Variants in GDA observed in about 807,000 individuals in gnomAD.
GDA encodes cytoplasmic PSD-95 interactor.
GDA carries 18 observed loss-of-function variants against 59.6 expected under a neutral mutation model. The observed-to-expected ratio is 0.30, with a 90% CI of 0.21 to 0.45. GDA has a LOEUF of 0.45. Among genes scored for constraint, GDA ranks in the 20% least tolerant of loss-of-function variants. The pLI, the probability that GDA is intolerant of heterozygous loss-of-function variation, is 1.00. For synonymous variants in GDA, 201 were observed against 201.1 expected (o/e 1.00, Z 0.00); for missense variants, 427 against 552.3 (o/e 0.77, Z 2.27).
At position 72,245,092 on chromosome 9, in the gene GDA, A is replaced by G. The variant is rs1165608386; in HGVS notation, c.1136-56A>G. ...AAAATCTGTCCTTACAAACTGAGACATTAGTGTGGTCTGATGGCTTGCAAT... is the reference window on the plus strand; with the variant it reads ...AAAATCTGTCCTTACAAACTGAGACGTTAGTGTGGTCTGATGGCTTGCAAT... On this transcript the variant is annotated intron_variant, in intron 11 of 13. Transcript: ENST00000358399. The G allele has an allele frequency of 3.8e-6, 6 of 1,569,942 alleles. No homozygotes were observed. The East Asian group carries it at 6.7e-5, about 18-fold the overall frequency.
At chr9:72,142,724 A>G (rs1203483167) in intron 1 of GDA, among the ~76,000 whole-genome samples, 1 of 152,028 alleles carries the variant, frequency 6.6e-6, no homozygotes, top group Non-Finnish European at 1.5e-5. Flanking sequence ...GATTGTATGT[A>G]TTGCTTATCC....
Position 72,131,634 on chromosome 9 carries a change from A to T in GDA, c.-100+16801A>T, listed in dbSNP as rs1335705466. On this transcript the variant is annotated intron_variant, in intron 1 of 13. Coordinates refer to the GDA transcript ENST00000545168. ...CTTCTCTTTATGGAGGGCTAGAAAC[A>T]CACCACGTGCACAGACACACACACA... is the stretch of plus-strand genomic sequence containing the variant. 2.2e-5 allele frequency among the ~76,000 whole-genome samples: 3 copies of T among 137,148 alleles called. No individual in the cohort carries two copies. The East Asian group carries it at 6.0e-4, about 28-fold the overall frequency. The allele number at this position is 137,148 out of a possible 152,430, so 90.0% of individuals were successfully genotyped here.
At chr9:72,153,571 G>A (rs1428412380) in intron 1 of GDA, among the ~76,000 whole-genome samples, 2 of 150,314 alleles carry the variant, frequency 1.3e-5, no homozygotes, top group Non-Finnish European at 3.0e-5. Flanking sequence ...CAAAGACTTG[G>A]AACCAACCCA....
At chr9:72,228,715 C>T (rs537343571) in intron 9 of GDA, 1 of 152,318 alleles carries the variant, frequency 6.6e-6, no homozygotes, top group African/African-American at 2.4e-5. Context: ...TGGTGAAACC[C>T]CATCAGTATT....
intron 1 of GDA, among the ~76,000 whole-genome samples, chr9:72,121,289 CTCTG>C (rs1267341225): frequency 1.3e-5 from 2 of 152,122 alleles, no homozygotes; most frequent in Admixed American, 6.6e-5. Context: ...TCAAACCAAA[CTCTG>C]TCTGAGCATA....
chr9:72,138,859 C>T (rs1405589836), intron 1 of GDA, among the ~76,000 whole-genome samples: 2 of 152,136 alleles, frequency 1.3e-5, no homozygotes, highest in Non-Finnish European at 1.5e-5. Flanking sequence ...TGGGGAAAGG[C>T]GAGAACTGGT....
intron 5 of GDA, among the ~76,000 whole-genome samples, chr9:72,217,819 A>G (rs1836329510): frequency 6.6e-6 from 1 of 152,224 alleles, no homozygotes; most frequent in South Asian, 2.1e-4. Flanking sequence ...TACTGACCAT[A>G]TAAATACTTT....
chr9:72,133,590 T>A (rs1396529576), intron 1 of GDA, among the ~76,000 whole-genome samples: 1 of 152,174 alleles, frequency 6.6e-6, no homozygotes, highest in Non-Finnish European at 1.5e-5. Flanking sequence ...TATTCCCTGA[T>A]CATTTGTTGC....
chr9:72,247,497 T>C, intron 13 of GDA, 64 bp downstream of exon 13: 1 of 839,876 alleles, frequency 1.2e-6, no homozygotes, highest in Non-Finnish European at 2.0e-6. Context: ...TTTTCTTGGG[T>C]ATGGCTCTAT....
intron 1 of GDA, among the ~76,000 whole-genome samples, chr9:72,166,379 C>T (rs1829312131): frequency 8.3e-6 from 1 of 120,180 alleles, no homozygotes; most frequent in South Asian, 2.6e-4. Flanking sequence ...AGATAGAAAG[C>T]AGAATGATAG....
intron 3 of GDA, among the ~76,000 whole-genome samples, chr9:72,206,252 T>C (rs1834685996): frequency 1.3e-5 from 2 of 152,208 alleles, no homozygotes; most frequent in Non-Finnish European, 2.9e-5. Context: ...AACACTTCTA[T>C]TCTTTTGCTG....
At chr9:72,224,186 GAGA>G (rs1837254345) in intron 7 of GDA, among the ~76,000 whole-genome samples, 1 of 152,138 alleles carries the variant, frequency 6.6e-6, no homozygotes, top group Non-Finnish European at 1.5e-5. Context: ...AAAATAAGAT[GAGA>G]AGAACACACA....
intron 1 of GDA, among the ~76,000 whole-genome samples, chr9:72,116,569 G>A (rs1222965852): frequency 6.6e-6 from 1 of 151,858 alleles, no homozygotes; most frequent in African/African-American, 2.4e-5. Flanking sequence ...TTTTAGTAGA[G>A]ACGGAGTTTC....
chr9:72,186,396 A>C (rs1200346496), intron 1 of GDA, among the ~76,000 whole-genome samples: 2 of 152,022 alleles, frequency 1.3e-5, no homozygotes, highest in Admixed American at 6.5e-5. Flanking sequence ...CTCTGCCTGG[A>C]ATGCTCTTCC....
Position 72,191,028 on chromosome 9 carries a change from AG to A in GDA, c.124-4471del, listed in dbSNP as rs146658784. Among the ~76,000 whole-genome samples, 1,320 of 152,316 alleles carry A rather than the reference AG, an allele frequency of 8.7e-3. 18 individuals carry two copies. The highest frequency in any genetic ancestry group is 0.031 in the African/African-American group (1,271 of 41,556). On this transcript the variant is annotated intron_variant, in intron 1 of 13. Transcript: ENST00000358399. ...AAATCGAGTAGATGCGAATGGAAAAAGTTTCATTGTAGCAATATCATTCAAT... is the reference window on the plus strand; with the variant it reads ...AAATCGAGTAGATGCGAATGGAAAAATTTCATTGTAGCAATATCATTCAAT...
chr9:72,247,720 C>T (rs909980141), intron 13 of GDA, among the ~76,000 whole-genome samples: 1 of 152,118 alleles, frequency 6.6e-6, no homozygotes, highest in Non-Finnish European at 1.5e-5. Flanking sequence ...TGTACTCATT[C>T]GGTATCTGAC....
intron 1 of GDA, among the ~76,000 whole-genome samples, chr9:72,117,631 A>G (rs1303247548): frequency 6.6e-6 from 1 of 152,188 alleles, no homozygotes; most frequent in South Asian, 2.1e-4. Flanking sequence ...CCTTTTGTAA[A>G]AGTGAGGAAA....
chr9:72,189,166 CTTTTTTTTTTTTT>C (rs71493640), intron 1 of GDA, among the ~76,000 whole-genome samples: 565 of 54,948 alleles, frequency 0.01, 14 homozygotes, highest in African/African-American at 0.048. Flanking sequence ...AGACTCTAGA[CTTTTTTTTTTTTT>C]TTTTTTTTTT....
At chr9:72,240,790 G>A (rs952753724) in intron 10 of GDA, among the ~76,000 whole-genome samples, 1 of 152,204 alleles carries the variant, frequency 6.6e-6, no homozygotes, top group South Asian at 2.1e-4. Context: ...CAGAAGCTGG[G>A]AGAAGCAAAG....
Sources: allele counts gnomAD v4.1 joint callset (sites outside exome capture counted in the v4.1 genomes callset), GRCh38; gene constraint gnomAD v4.1.1; transcripts MANE v1.5; gene names NCBI Gene and HGNC (gene_info 2026-07-23, HGNC 2026-07-21).